The following XKR6 variants were observed in gnomAD, a reference collection of about 807,000 sequenced individuals.
XKR6 encodes the protein XK-related protein 6.
XKR6 carries 22 observed loss-of-function variants against 56.7 expected under a neutral mutation model. The observed-to-expected ratio is 0.39, with a 90% CI of 0.28 to 0.55. The LOEUF (loss-of-function observed/expected upper bound fraction) is 0.55, where lower values mean the gene tolerates loss of function less well. XKR6 is among the 20% of genes least tolerant of loss of function. The pLI, the probability that XKR6 is intolerant of heterozygous loss-of-function variation, is 0.66. For synonymous variants in XKR6, 524 were observed against 387.8 expected (o/e 1.35, Z -4.13); for missense variants, 852 against 889.0 (o/e 0.96, Z 0.53).
chr8:10,946,623 G>T (rs545577780), intron 1 of XKR6, among the ~76,000 whole-genome samples: 2 of 152,046 alleles, frequency 1.3e-5, no homozygotes, highest in East Asian at 3.9e-4. Context: ...ACATTCCTGA[G>T]CACTCTACTG....
intron 1 of XKR6, among the ~76,000 whole-genome samples, chr8:10,930,456 G>A (rs1292187749): frequency 3.9e-5 from 6 of 152,002 alleles, no homozygotes; most frequent in South Asian, 4.1e-4. Flanking sequence ...TTATGAGGCC[G>A]GCATTACTCT....
In XKR6 at chr8:11,079,930, T is replaced by C. The variant is rs534613414; in HGVS notation, c.764+120646A>G. 9.2e-5 allele frequency among the ~76,000 whole-genome samples: 14 copies of C among 152,164 alleles called. 1 individual carries two copies. The highest frequency in any genetic ancestry group is 3.1e-4 in the African/African-American group (13 of 41,538). On this transcript the variant is annotated intron_variant, in intron 1 of 2. Transcript: ENST00000416569. ...TGCAAGTAAGCCATGATTGTACCAC[T>C]GCACTCCAACCTGGGCAACAGAGTG...
chr8:11,007,202 G>A (rs142365886), intron 1 of XKR6, among the ~76,000 whole-genome samples: 9 of 152,322 alleles, frequency 5.9e-5, no homozygotes, highest in Middle Eastern at 3.4e-3. Context: ...GAGTCATAGA[G>A]ATAGGAATTC....
chr8:11,146,912 T>C (rs1221789450), intron 1 of XKR6, among the ~76,000 whole-genome samples: 1 of 151,952 alleles, frequency 6.6e-6, no homozygotes, highest in Non-Finnish European at 1.5e-5. Flanking sequence ...ATATGTGGAA[T>C]CTAAAATAGT....
At chr8:10,924,609 C>G in intron 2 of XKR6, 25 bp downstream of exon 2, 2 of 1,585,042 alleles carry the variant, frequency 1.3e-6, no homozygotes, top group Admixed American at 3.4e-5. Flanking sequence ...GCCGGGGTGG[C>G]GGGGCGCGGC....
chr8:11,138,111 T>G (rs1800498933), intron 1 of XKR6: 1 of 176,312 alleles, frequency 5.7e-6, no homozygotes, highest in Admixed American at 5.7e-5. Context: ...GACTACATGC[T>G]ATAAGCACCT....
chr8:10,992,110 G>T (rs879885496), intron 1 of XKR6, among the ~76,000 whole-genome samples: 2 of 152,126 alleles, frequency 1.3e-5, no homozygotes, highest in African/African-American at 4.8e-5. Context: ...CACTATTCAG[G>T]GGATGGAAAT....
intron 1 of XKR6, among the ~76,000 whole-genome samples, chr8:11,052,815 A>T (rs1001068652): frequency 6.7e-6 from 1 of 149,734 alleles, no homozygotes; most frequent in Non-Finnish European, 1.5e-5. Context: ...GCTCGTTAGG[A>T]TTCCTCTGCT....
At chr8:10,999,966 G>A (rs1448819210) in intron 1 of XKR6, among the ~76,000 whole-genome samples, 1 of 152,168 alleles carries the variant, frequency 6.6e-6, no homozygotes. Flanking sequence ...TGATTTCACG[G>A]TCTCCATATG....
At chr8:10,961,387 G>A (rs1372905202) in intron 1 of XKR6, among the ~76,000 whole-genome samples, 1 of 152,174 alleles carries the variant, frequency 6.6e-6, no homozygotes, top group Admixed American at 6.5e-5. Context: ...CACTGACAAC[G>A]CTGCAGAATG....
intron 1 of XKR6, among the ~76,000 whole-genome samples, chr8:11,004,569 G>C (rs1209093405): frequency 6.6e-6 from 1 of 152,154 alleles, no homozygotes; most frequent in Non-Finnish European, 1.5e-5. Flanking sequence ...ACAAAAAGTA[G>C]CAACTGCCTA....
intron 1 of XKR6, chr8:11,062,820 A>G (rs1799870355): frequency 2.2e-6 from 1 of 456,176 alleles, no homozygotes; most frequent in Non-Finnish European, 4.4e-6. Flanking sequence ...CCTCCTCGGC[A>G]ATCAGCGTGG....
At chr8:10,987,875 C>A (rs1280270796) in intron 1 of XKR6, among the ~76,000 whole-genome samples, 1 of 152,192 alleles carries the variant, frequency 6.6e-6, no homozygotes, top group Non-Finnish European at 1.5e-5. Context: ...TAGCAGAATC[C>A]TGGGCTACTG....
chr8:11,057,600 G>A (rs1416846851), intron 1 of XKR6, among the ~76,000 whole-genome samples: 4 of 152,172 alleles, frequency 2.6e-5, no homozygotes, highest in African/African-American at 7.2e-5. Context: ...GAGGCTGGGC[G>A]GGTGTAGTTT....
chr8:11,052,598 G>A (rs758174858), intron 1 of XKR6, among the ~76,000 whole-genome samples: 1 of 152,132 alleles, frequency 6.6e-6, no homozygotes, highest in Non-Finnish European at 1.5e-5. Flanking sequence ...GTGAGGCTTT[G>A]GCTGTCTGGC....
At chr8:11,181,437 A>T (rs1322848080) in intron 1 of XKR6, among the ~76,000 whole-genome samples, 1 of 152,210 alleles carries the variant, frequency 6.6e-6, no homozygotes, top group Non-Finnish European at 1.5e-5. Flanking sequence ...TTATCAACCT[A>T]AAACTAGATT....
intron 1 of XKR6, among the ~76,000 whole-genome samples, chr8:10,984,699 TC>T (rs1797814008): frequency 6.7e-5 from 3 of 44,648 alleles, no homozygotes; most frequent in African/African-American, 2.9e-4. Flanking sequence ...TACATGGCTC[TC>T]TCTCTCTCTC....
At chr8:10,946,336 A>C (rs1008112485) in intron 1 of XKR6, among the ~76,000 whole-genome samples, 1 of 152,050 alleles carries the variant, frequency 6.6e-6, no homozygotes, top group Non-Finnish European at 1.5e-5. Flanking sequence ...GGGGGCTTTG[A>C]ATCGTGTAAT....
intron 2 of XKR6, among the ~76,000 whole-genome samples, chr8:10,899,173 T>G (rs1031272017): frequency 6.6e-6 from 1 of 152,160 alleles, no homozygotes; most frequent in East Asian, 1.9e-4. Context: ...TGAGCCAGTG[T>G]GTTTTGCTAG....
Sources: gnomAD v4.1 joint callset for allele counts (sites outside exome capture counted in the v4.1 genomes callset) on GRCh38, gnomAD v4.1.1 for gene constraint, MANE v1.5 for transcripts, NCBI Gene and HGNC (gene_info 2026-07-23, HGNC 2026-07-21) for gene names.